The following MAGI2 variants were observed in gnomAD, a reference collection of about 807,000 sequenced individuals.
The protein encoded by MAGI2 is membrane associated guanylate kinase, WW and PDZ domain containing 2, also known as membrane-associated guanylate kinase, WW and PDZ domain-containing protein 2.
In MAGI2, 35 loss-of-function variants were observed where a neutral mutation model predicts 133.3. The ratio of observed to expected loss-of-function variants is 0.26; its 90% CI spans 0.20 to 0.35. The LOEUF (loss-of-function observed/expected upper bound fraction) is 0.35, where lower values mean the gene tolerates loss of function less well. Among genes scored for constraint, MAGI2 ranks in the 10% least tolerant of loss-of-function variants. MAGI2 has a pLI of 1.00. For missense variants in MAGI2, 1,636 were observed against 1,863.4 expected (o/e 0.88, Z 2.25); for synonymous variants, 729 against 710.6 (o/e 1.03, Z -0.41).
intron 3 of MAGI2, among the ~76,000 whole-genome samples, chr7:78,565,894 G>A (rs1253129831): frequency 6.6e-6 from 1 of 152,048 alleles, no homozygotes; most frequent in African/African-American, 2.4e-5. Flanking sequence ...TTGGCATCCC[G>A]GGCTGCCACA....
intron 2 of MAGI2, among the ~76,000 whole-genome samples, chr7:78,927,397 G>T (rs891158126): frequency 2.0e-5 from 3 of 151,954 alleles, no homozygotes; most frequent in Admixed American, 2.0e-4. Context: ...ATTATGAATA[G>T]CTGGTTCAAG....
chr7:78,225,414 G>C (rs1789278313), intron 10 of MAGI2, among the ~76,000 whole-genome samples: 1 of 152,100 alleles, frequency 6.6e-6, no homozygotes, highest in East Asian at 1.9e-4. Context: ...CAGTGGCACA[G>C]TCACCATTCA....
chr7:78,756,066 C>T (rs192613796), intron 2 of MAGI2, among the ~76,000 whole-genome samples: 15 of 152,250 alleles, frequency 9.9e-5, no homozygotes, highest in Non-Finnish European at 1.9e-4. Context: ...AATGTAACTT[C>T]GAGGTCACTT....
At chr7:78,223,225 A>G (rs144965695) in intron 10 of MAGI2, among the ~76,000 whole-genome samples, 61 of 152,278 alleles carry the variant, frequency 4.0e-4, no homozygotes, top group African/African-American at 1.4e-3. Flanking sequence ...TCCTTTTAGG[A>G]AGATTAGAAA....
intron 10 of MAGI2, among the ~76,000 whole-genome samples, chr7:78,243,351 A>G (rs1006647452): frequency 2.6e-5 from 4 of 152,076 alleles, no homozygotes; most frequent in Non-Finnish European, 5.9e-5. Context: ...TGTTATGTAT[A>G]TTATACTTGC....
At chr7:78,951,413 A>G (rs568994780) in intron 2 of MAGI2, among the ~76,000 whole-genome samples, 162 of 152,268 alleles carry the variant, frequency 1.1e-3, no homozygotes, top group African/African-American at 3.8e-3. Flanking sequence ...GGAGACTTAC[A>G]ATCATGGTGG....
At chr7:78,116,875 C>G (rs987535567) in intron 20 of MAGI2, among the ~76,000 whole-genome samples, 1 of 150,812 alleles carries the variant, frequency 6.6e-6, no homozygotes, top group Non-Finnish European at 1.5e-5. Flanking sequence ...AAGATCCTGT[C>G]TCAAAAATGA....
In MAGI2 at chr7:78,685,012, A is replaced by G. The variant is rs762480453; in HGVS notation, c.419-57773T>C. Among the ~76,000 whole-genome samples the G allele has an allele frequency of 2.4e-4, 37 of 152,316 alleles. 1 individual carries two copies. The highest frequency in any genetic ancestry group is 6.8e-3 in the Middle Eastern group (2 of 294). ...TTAACAGGCTTCTCATACTACATTC[A>G]TGAGGCTGCATATAGCAGGACCGAT... is the stretch of plus-strand genomic sequence containing the variant. On this transcript the variant is annotated intron_variant, in intron 2 of 21. Transcript: ENST00000354212.
intron 2 of MAGI2, among the ~76,000 whole-genome samples, chr7:78,852,322 A>G (rs1378612757): frequency 6.6e-6 from 1 of 152,044 alleles, no homozygotes; most frequent in Non-Finnish European, 1.5e-5. Flanking sequence ...AGTCAACTAT[A>G]TGTGTGACAG....
intron 3 of MAGI2, among the ~76,000 whole-genome samples, chr7:78,573,857 G>GT (rs1801994225): frequency 2.0e-5 from 3 of 152,034 alleles, no homozygotes; most frequent in Non-Finnish European, 4.4e-5. Context: ...GAATCCTCCA[G>GT]TTTCTTTCAT....
chr7:79,148,413 CCTAA>C (rs976050969), intron 1 of MAGI2, among the ~76,000 whole-genome samples: 1 of 152,164 alleles, frequency 6.6e-6, no homozygotes, highest in Non-Finnish European at 1.5e-5. Context: ...GGGTGATCTG[CCTAA>C]CTATTTCCCC....
At chr7:78,925,721 C>T (rs1205026185) in intron 2 of MAGI2, among the ~76,000 whole-genome samples, 1 of 151,782 alleles carries the variant, frequency 6.6e-6, no homozygotes, top group East Asian at 1.9e-4. Flanking sequence ...ATTTGTTTTA[C>T]CTTGCAAAAT....
intron 2 of MAGI2, among the ~76,000 whole-genome samples, chr7:78,639,828 C>A (rs750002298): frequency 6.6e-6 from 1 of 152,078 alleles, no homozygotes; most frequent in South Asian, 2.1e-4. Flanking sequence ...CATGGCCTGG[C>A]TCCCCCTCAA....
At chr7:78,232,456 C>T (rs762674509) in intron 10 of MAGI2, among the ~76,000 whole-genome samples, 8 of 152,172 alleles carry the variant, frequency 5.3e-5, no homozygotes, top group East Asian at 3.9e-4. Context: ...ACAAATTGTC[C>T]GCTCAATTAC....
At chr7:78,680,823 C>G (rs1447454563) in intron 2 of MAGI2, among the ~76,000 whole-genome samples, 1 of 152,052 alleles carries the variant, frequency 6.6e-6, no homozygotes, top group Non-Finnish European at 1.5e-5. Flanking sequence ...CTTTCAGATA[C>G]TTGGTTAATA....
intron 6 of MAGI2, among the ~76,000 whole-genome samples, chr7:78,465,017 T>C (rs1162047071): frequency 6.6e-6 from 1 of 152,174 alleles, no homozygotes; most frequent in Non-Finnish European, 1.5e-5. Context: ...TATTTCAGAA[T>C]ACGAATTGAA....
chr7:78,780,014 A>G lies in MAGI2; in HGVS notation c.419-152775T>C, dbSNP rs1018244929. Reference sequence around the variant, plus strand: ...TCTGGGACAGAAATTAGAAAGAAAGATATTAAGAAATCAAACCCTTAATTA... The same window carrying G: ...TCTGGGACAGAAATTAGAAAGAAAGGTATTAAGAAATCAAACCCTTAATTA... On this transcript the variant is annotated intron_variant, in intron 2 of 21. Coordinates refer to ENST00000354212, the MANE Select transcript of MAGI2 (RefSeq NM_012301.4). Among the ~76,000 whole-genome samples, 16 of 152,252 alleles carry G rather than the reference A, an allele frequency of 1.1e-4. 1 individual carries two copies.
In MAGI2 at chr7:78,941,728, T is replaced by TCACACACACA. The variant is rs3068585; in HGVS notation, c.418+65352_418+65361dup. 4.5e-3 allele frequency among the ~76,000 whole-genome samples: 558 copies of TCACACACACA among 123,306 alleles called. 11 individuals are homozygous for TCACACACACA. Among genetic ancestry groups the TCACACACACA allele is most frequent in the African/African-American group, 0.011 (388 of 33,922 alleles). The allele number at this position is 123,306 out of a possible 152,430, so 80.9% of individuals were successfully genotyped here. On this transcript the variant is annotated intron_variant, in intron 2 of 21. Transcript: ENST00000354212. Reference sequence around the variant, plus strand: ...AAAACAGTTTCCTGAGCCTATTTCATCACACACACACACACACACACACAC... The same window carrying TCACACACACA: ...AAAACAGTTTCCTGAGCCTATTTCATCACACACACACACACACACACACACACACACACAC...
intron 2 of MAGI2, among the ~76,000 whole-genome samples, chr7:78,635,927 G>C (rs1809588205): frequency 6.6e-6 from 1 of 152,192 alleles, no homozygotes; most frequent in South Asian, 2.1e-4. Flanking sequence ...CCAAAGTATG[G>C]TTTTATACAA....
Sources: allele counts gnomAD v4.1 joint callset (sites outside exome capture counted in the v4.1 genomes callset), GRCh38; gene constraint gnomAD v4.1.1; transcripts MANE v1.5; gene names NCBI Gene and HGNC (gene_info 2026-07-23, HGNC 2026-07-21).